The following AFDN variants were observed in gnomAD, a reference collection of about 807,000 sequenced individuals.
The protein encoded by AFDN is afadin, adherens junction formation factor.
Under a neutral mutation model 216.6 loss-of-function variants are expected in AFDN, and 68 were observed. The observed-to-expected ratio is 0.31, with a 90% CI of 0.26 to 0.38. AFDN has a LOEUF of 0.38. Among genes scored for constraint, AFDN ranks in the 10% least tolerant of loss-of-function variants. The pLI, the probability that AFDN is intolerant of heterozygous loss-of-function variation, is 1.00. For missense variants in AFDN, 2,136 were observed against 2,342.0 expected, an observed-to-expected ratio of 0.91 and a Z score of 1.82; for synonymous variants, 868 against 853.7, an observed-to-expected ratio of 1.02 and a Z score of -0.29.
chr6:167,874,180 GT>G (rs2128265472), intron 4 of AFDN, among the ~76,000 whole-genome samples: 2 of 152,260 alleles, frequency 1.3e-5, no homozygotes, highest in East Asian at 3.9e-4. Context: ...GGAAATAGAG[GT>G]TGCAGTGAGC....
intron 30 of AFDN, among the ~76,000 whole-genome samples, chr6:167,960,651 G>A (rs902426352): frequency 2.6e-5 from 4 of 151,994 alleles, no homozygotes; most frequent in Admixed American, 6.6e-5. Flanking sequence ...TTTGTTTGGC[G>A]CTGTTTCTCC....
intron 1 of AFDN, among the ~76,000 whole-genome samples, chr6:167,839,498 CTT>C (rs1780811783): frequency 6.6e-6 from 1 of 152,054 alleles, no homozygotes; most frequent in South Asian, 2.1e-4. Context: ...AGGAGTCAGA[CTT>C]TGTCAGAGAT....
In AFDN at chr6:167,914,214, C is replaced by T. The variant is rs1412994760; in HGVS notation, c.2105C>T (p.Ala702Val). Residue 702 changes from alanine (A) to valine (V), a missense_variant, in exon 17 of 34, where the codon GCA (alanine) becomes GTA (valine). By Grantham distance (64) the Ala-to-Val change is moderately conservative (BLOSUM62 0). Transcript: ENST00000683244. ...AGALAFWMANASELLNFIKQD... is the reference protein window; with the variant it reads ...AGALAFWMANVSELLNFIKQD... ...GCACTTGCCTTCTGGATGGCAAATG[C>T]ATCTGAACTTCTCAACTTCATTAAG... The T allele has an allele frequency of 6.2e-7, 1 of 1,614,156 alleles. No homozygotes were observed. Among genetic ancestry groups the T allele is most frequent in the Non-Finnish European group, 8.5e-7 (1 of 1,180,006 alleles).
At chr6:167,894,823 T>C (rs980138) in intron 9 of AFDN, among the ~76,000 whole-genome samples, 52,096 of 152,024 alleles carry the variant, frequency 0.34, 9,689 homozygotes, top group East Asian at 0.6. Context: ...TATTGTCTCA[T>C]AAGAGACCTT....
chr6:167,871,809 G>GT (rs1369959179), intron 3 of AFDN, among the ~76,000 whole-genome samples: 2 of 152,040 alleles, frequency 1.3e-5, no homozygotes, highest in Non-Finnish European at 1.5e-5. Context: ...TTCACTCTTT[G>GT]TTTTTATAAT....
chr6:167,944,708 C>T (rs1795069716), intron 26 of AFDN, among the ~76,000 whole-genome samples: 1 of 151,826 alleles, frequency 6.6e-6, no homozygotes, highest in Non-Finnish European at 1.5e-5. Context: ...ACCTGCACAG[C>T]GTGTCACTGT....
At chr6:167,862,167 T>C (rs1373717231) in intron 1 of AFDN, among the ~76,000 whole-genome samples, 3 of 152,028 alleles carry the variant, frequency 2.0e-5, no homozygotes, top group Non-Finnish European at 1.5e-5. Context: ...TGGAAGGGGG[T>C]AGCGGCAGAT....
At chr6:167,831,367 T>G (rs1476848121) in intron 1 of AFDN, among the ~76,000 whole-genome samples, 2 of 152,254 alleles carry the variant, frequency 1.3e-5, no homozygotes, top group African/African-American at 2.4e-5. Context: ...TTATTTTTGA[T>G]AAGTTGAATC....
At chr6:167,950,801 C>T (rs551583497) in intron 29 of AFDN, among the ~76,000 whole-genome samples, 2 of 151,282 alleles carry the variant, frequency 1.3e-5, no homozygotes, top group African/African-American at 2.4e-5. Context: ...TGAGGATGGG[C>T]ACTGGCACTG....
At chr6:167,834,918 G>A (rs1780253998) in intron 1 of AFDN, among the ~76,000 whole-genome samples, 1 of 152,248 alleles carries the variant, frequency 6.6e-6, no homozygotes, top group Non-Finnish European at 1.5e-5. Flanking sequence ...GGAGGTCAAG[G>A]CTGCAGTGAC....
intron 23 of AFDN, among the ~76,000 whole-genome samples, chr6:167,936,088 T>C (rs1793964950): frequency 6.6e-6 from 1 of 152,200 alleles, no homozygotes; most frequent in African/African-American, 2.4e-5. Context: ...CAACATGCAG[T>C]CAATATAAAA....
chr6:167,926,388 G>C (rs1435123165), intron 23 of AFDN, among the ~76,000 whole-genome samples: 1 of 152,346 alleles, frequency 6.6e-6, no homozygotes, highest in African/African-American at 2.4e-5. Flanking sequence ...AAGTACACAG[G>C]CTTTGCCTGG....
chr6:167,880,172 A>G lies in AFDN; in HGVS notation c.740-188A>G, dbSNP rs141400142. On this transcript the variant is annotated intron_variant, in intron 5 of 33. Transcript: ENST00000683244. ...TTGTTCATGGTTTCTAAGTGTCACT[A>G]GATCAACTAGTTACTGCTATTATAT... 8.5e-3 allele frequency among the ~76,000 whole-genome samples: 1,302 copies of G among 152,322 alleles called. 28 individuals are homozygous for G. The highest frequency in any genetic ancestry group is 0.03 in the African/African-American group (1,237 of 41,568).
intron 6 of AFDN, among the ~76,000 whole-genome samples, chr6:167,882,248 A>G (rs908768892): frequency 1.3e-5 from 2 of 152,152 alleles, no homozygotes; most frequent in Non-Finnish European, 2.9e-5. Context: ...TAGAGGGGGG[A>G]AAATGTTAAT....
intron 26 of AFDN, among the ~76,000 whole-genome samples, chr6:167,944,699 C>A (rs1034640824): frequency 8.6e-5 from 13 of 152,022 alleles, no homozygotes; most frequent in African/African-American, 3.1e-4. Context: ...AGGCTGTAGA[C>A]CTGCACAGCG....
chr6:167,920,329 T>C (rs1023402158), intron 21 of AFDN, among the ~76,000 whole-genome samples: 1 of 152,158 alleles, frequency 6.6e-6, no homozygotes, highest in Non-Finnish European at 1.5e-5. Context: ...TGCTCTGCCA[T>C]TCCCTGGAAA....
chr6:167,860,330 A>G (rs1404976467), intron 1 of AFDN, among the ~76,000 whole-genome samples: 1 of 152,190 alleles, frequency 6.6e-6, no homozygotes, highest in Non-Finnish European at 1.5e-5. Context: ...ACAGACAACC[A>G]CAGCTGGCAG....
intron 23 of AFDN, among the ~76,000 whole-genome samples, chr6:167,936,341 A>G (rs1269637211): frequency 2.0e-5 from 3 of 152,242 alleles, no homozygotes; most frequent in Non-Finnish European, 2.9e-5. Flanking sequence ...CACAGCAGCA[A>G]AGAACATAGA....
chr6:167,870,964 T>A (rs1371445647), intron 3 of AFDN, among the ~76,000 whole-genome samples: 1 of 152,200 alleles, frequency 6.6e-6, no homozygotes, highest in Non-Finnish European at 1.5e-5. Flanking sequence ...TACAACTTCC[T>A]AGGTGGTAGG....
Sources: allele counts gnomAD v4.1 joint callset (sites outside exome capture counted in the v4.1 genomes callset), GRCh38; gene constraint gnomAD v4.1.1; transcripts MANE v1.5; gene names NCBI Gene and HGNC (gene_info 2026-07-23, HGNC 2026-07-21).